Variants in SDK1 observed in about 807,000 individuals in gnomAD.
SDK1 encodes the protein sidekick cell adhesion molecule 1.
Under a neutral mutation model 245.5 loss-of-function variants are expected in SDK1, and 157 were observed. That is an observed-to-expected ratio of 0.64 (90% confidence interval 0.56 to 0.73). The LOEUF is 0.73. Ranked by LOEUF, SDK1 falls within the 30% of genes least tolerant of loss-of-function variation. The pLI, the probability that SDK1 is intolerant of heterozygous loss-of-function variation, is 0.00. For synonymous variants in SDK1, 1,647 were observed against 1,278.5 expected, an observed-to-expected ratio of 1.29 and a Z score of -6.15; for missense variants, 3,583 against 3,002.3, an observed-to-expected ratio of 1.19 and a Z score of -4.52.
chr7:3,701,989 A>G (rs935204223), intron 4 of SDK1, among the ~76,000 whole-genome samples: 1 of 151,790 alleles, frequency 6.6e-6, no homozygotes, highest in Non-Finnish European at 1.5e-5. Flanking sequence ...TAATCTTTAT[A>G]TAAAAATTTA....
At chr7:3,388,202 C>A (rs572780981) in intron 1 of SDK1, among the ~76,000 whole-genome samples, 1 of 151,918 alleles carries the variant, frequency 6.6e-6, no homozygotes, top group African/African-American at 2.4e-5. Flanking sequence ...ATAAGGTTCA[C>A]TGTTAAATTT....
At chr7:3,832,512 A>C (rs1359932827) in intron 5 of SDK1, among the ~76,000 whole-genome samples, 1 of 152,214 alleles carries the variant, frequency 6.6e-6, no homozygotes, top group Non-Finnish European at 1.5e-5. Context: ...GTTTGAGAAT[A>C]TTAAATCAAG....
chr7:4,220,504 A>G (rs1222532145), intron 39 of SDK1, among the ~76,000 whole-genome samples: 1 of 131,550 alleles, frequency 7.6e-6, no homozygotes, highest in Non-Finnish European at 1.6e-5. Flanking sequence ...TAAGCATGTC[A>G]AGTTTTAGTT....
chr7:3,540,061 T>C (rs1020010438), intron 1 of SDK1, among the ~76,000 whole-genome samples: 1 of 152,228 alleles, frequency 6.6e-6, no homozygotes. Flanking sequence ...AAAACACATA[T>C]GTGGATCACA....
chr7:3,561,691 C>T (rs1318519548), intron 1 of SDK1, among the ~76,000 whole-genome samples: 4 of 152,158 alleles, frequency 2.6e-5, no homozygotes, highest in African/African-American at 9.7e-5. Flanking sequence ...ACTTGGCCTT[C>T]CCATTTTAAC....
At chr7:3,707,949 A>G (rs189633793) in intron 4 of SDK1, among the ~76,000 whole-genome samples, 2 of 152,112 alleles carry the variant, frequency 1.3e-5, no homozygotes, top group Non-Finnish European at 2.9e-5. Flanking sequence ...ATGAATCCTC[A>G]TGTATTAGTC....
intron 1 of SDK1, among the ~76,000 whole-genome samples, chr7:3,575,300 C>T (rs1295798441): frequency 6.6e-6 from 1 of 151,970 alleles, no homozygotes; most frequent in African/African-American, 2.4e-5. Context: ...TCTCTGGTGT[C>T]TCTTCTTGTA....
chr7:4,203,987 TG>T (rs1784044121), intron 35 of SDK1, among the ~76,000 whole-genome samples: 1 of 152,194 alleles, frequency 6.6e-6, no homozygotes, highest in Admixed American at 6.5e-5. Context: ...CCCTAATTTA[TG>T]GGGGTTCACC....
chr7:3,789,914 G>C (rs955570706), intron 4 of SDK1, among the ~76,000 whole-genome samples: 2 of 152,128 alleles, frequency 1.3e-5, no homozygotes, highest in Non-Finnish European at 2.9e-5. Flanking sequence ...GCTGTGTTGG[G>C]GGGTTGGGGG....
chr7:4,239,653 G>A (rs1456821219), intron 42 of SDK1, among the ~76,000 whole-genome samples: 1 of 152,130 alleles, frequency 6.6e-6, no homozygotes. Context: ...AGTGAGCCAC[G>A]CACGGCGCCC....
At chr7:3,941,961 T>C (rs1384001578) in intron 5 of SDK1, among the ~76,000 whole-genome samples, 2 of 146,174 alleles carry the variant, frequency 1.4e-5, no homozygotes, top group Admixed American at 7.2e-5. Flanking sequence ...CAAGCTGGAG[T>C]GCAGTGGCGT....
intron 4 of SDK1, among the ~76,000 whole-genome samples, chr7:3,681,920 C>A (rs1255803444): frequency 6.6e-6 from 1 of 152,130 alleles, no homozygotes; most frequent in Non-Finnish European, 1.5e-5. Context: ...AAAGATTATA[C>A]AGTCCCTATA....
intron 1 of SDK1, among the ~76,000 whole-genome samples, chr7:3,611,565 G>T (rs1304116901): frequency 6.6e-6 from 1 of 152,072 alleles, no homozygotes; most frequent in East Asian, 1.9e-4. Flanking sequence ...AGATACCCAG[G>T]AGTGGGATTG....
rs182364470 is a variant in SDK1 at position 3,440,751 on chromosome 7, A to G, written c.298+138867A>G. The stretch of plus-strand genomic sequence containing the variant: ...ACAAATCTATCCATGAAATTGTGAA[A>G]CAGGACAAGTAAATTTATGCTGGTC... On this transcript the variant is annotated intron_variant, in intron 1 of 44. Transcript: ENST00000404826. 4.2e-3 allele frequency among the ~76,000 whole-genome samples: 642 copies of G among 152,328 alleles called. 7 individuals carry two copies. The highest frequency in any genetic ancestry group is 0.018 in the South Asian group (86 of 4,828).
intron 4 of SDK1, among the ~76,000 whole-genome samples, chr7:3,809,388 G>C (rs1208075707): frequency 6.6e-6 from 1 of 152,156 alleles, no homozygotes; most frequent in Non-Finnish European, 1.5e-5. Context: ...TTCAACATGA[G>C]ATTTGGATGG....
intron 7 of SDK1, chr7:3,952,241 C>T (rs982286770): frequency 2.9e-6 from 1 of 344,130 alleles, no homozygotes; most frequent in Non-Finnish European, 5.3e-6. Context: ...CTAAGCTTTT[C>T]TGTAACTCTT....
At chr7:4,149,232 T>C (rs1021154881) in intron 29 of SDK1, 30 bp from the exon 30 acceptor site, 5 of 1,456,772 alleles carry the variant, frequency 3.4e-6, no homozygotes, top group Non-Finnish European at 4.5e-6. Flanking sequence ...GCCTCTCACA[T>C]GTCCCTGGTC....
In SDK1 at chr7:4,208,050, C is replaced by T. The variant is rs201889865; in HGVS notation, c.5215-49C>T. The T allele has an allele frequency of 3.4e-6, 5 of 1,459,064 alleles. No homozygotes were observed. The South Asian group carries it at 6.2e-5, about 18-fold the overall frequency. 90.4% of individuals were successfully genotyped at this position (1,459,064 alleles called of 1,614,324 possible). On this transcript the variant is annotated intron_variant, in intron 36 of 44. Transcript: ENST00000404826. ...CCTTACACTCAGTGGCCCCCGCTTA[C>T]TGGAAGGCTTCCCCAGGACCCACCC...
At chr7:4,174,619 C>T (rs1212719905) in intron 33 of SDK1, among the ~76,000 whole-genome samples, 1 of 152,166 alleles carries the variant, frequency 6.6e-6, no homozygotes, top group Non-Finnish European at 1.5e-5. Flanking sequence ...GCCAGGCCTC[C>T]AGTGACTGCA....
Sources: gnomAD v4.1 joint callset for allele counts (sites outside exome capture counted in the v4.1 genomes callset) on GRCh38, gnomAD v4.1.1 for gene constraint, MANE v1.5 for transcripts, NCBI Gene and HGNC (gene_info 2026-07-23, HGNC 2026-07-21) for gene names.